COL25A1: variants seen among roughly 807,000 people sequenced by gnomAD.
The protein encoded by COL25A1 is collagen alpha-1(XXV) chain.
Under a neutral mutation model 128.4 loss-of-function variants are expected in COL25A1, and 103 were observed. The observed-to-expected ratio is 0.80, with a 90% CI of 0.68 to 0.94. The LOEUF (loss-of-function observed/expected upper bound fraction) is 0.94, where lower values mean the gene tolerates loss of function less well. COL25A1 is among the 40% of genes least tolerant of loss of function. The pLI, the probability that COL25A1 is intolerant of heterozygous loss-of-function variation, is 0.00. For synonymous variants in COL25A1, 279 were observed against 277.2 expected, an observed-to-expected ratio of 1.01 and a Z score of -0.06; for missense variants, 745 against 840.0, an observed-to-expected ratio of 0.89 and a Z score of 1.40.
chr4:108,938,483 CAGG>C (rs1747694749), intron 10 of COL25A1, among the ~76,000 whole-genome samples: 1 of 152,048 alleles, frequency 6.6e-6, no homozygotes, highest in African/African-American at 2.4e-5. Context: ...GAGGCTGAGG[CAGG>C]AGGACTGTGT....
intron 5 of COL25A1, among the ~76,000 whole-genome samples, chr4:109,021,517 G>A (rs192408848): frequency 2.1e-4 from 32 of 152,212 alleles, no homozygotes; most frequent in African/African-American, 5.1e-4. Context: ...TGCATTAACC[G>A]TACAAATTGA....
chr4:109,239,211 T>C (rs1267285313), intron 3 of COL25A1, among the ~76,000 whole-genome samples: 5 of 151,512 alleles, frequency 3.3e-5, no homozygotes, highest in Non-Finnish European at 7.4e-5. Flanking sequence ...CATCATAGAG[T>C]GTACTTAAAC....
In COL25A1 at chr4:108,901,187, A is replaced by G. The variant is rs1302313197; in HGVS notation, c.781-15T>C. On this transcript the variant is annotated splice_polypyrimidine_tract_variant and intron_variant, in intron 13 of 37. Transcript: ENST00000399132. ...CCGGGCTCACCCTCAAAATAGAAAA[A>G]TAGATACTACTAAGTAAAATAGACA... 5 of 1,594,820 alleles carry G rather than the reference A, an allele frequency of 3.1e-6. No homozygotes were observed. In the East Asian group the frequency reaches 8.9e-5, roughly 29 times the overall value.
intron 3 of COL25A1, among the ~76,000 whole-genome samples, chr4:109,065,123 A>G (rs1349070541): frequency 1.3e-5 from 2 of 152,160 alleles, no homozygotes; most frequent in Non-Finnish European, 2.9e-5. Context: ...ACTGATGGCT[A>G]CAGCTGAGAA....
At chr4:109,038,560 T>C (rs1201135386) in intron 5 of COL25A1, among the ~76,000 whole-genome samples, 1 of 152,210 alleles carries the variant, frequency 6.6e-6, no homozygotes. Context: ...TTTTAGTCTT[T>C]ATCTTATTTG....
intron 3 of COL25A1, among the ~76,000 whole-genome samples, chr4:109,150,822 T>C (rs1448379901): frequency 6.6e-6 from 1 of 152,188 alleles, no homozygotes; most frequent in African/African-American, 2.4e-5. Context: ...TTAAAGAACC[T>C]GTTTACTCTT....
At chr4:109,209,652 A>C (rs1352853683) in intron 3 of COL25A1, among the ~76,000 whole-genome samples, 7 of 152,168 alleles carry the variant, frequency 4.6e-5, no homozygotes, top group Admixed American at 4.6e-4. Context: ...TATCTTTGAA[A>C]TACAGACTAT....
At chr4:108,823,800 T>C in intron 35 of COL25A1, 2 of 627,796 alleles carry the variant, frequency 3.2e-6, no homozygotes, top group South Asian at 5.5e-5. Flanking sequence ...AGTGAGATGC[T>C]GCCTTTGCAG....
At chr4:108,930,521 G>A (rs1381388898) in intron 11 of COL25A1, among the ~76,000 whole-genome samples, 1 of 152,236 alleles carries the variant, frequency 6.6e-6, no homozygotes, top group African/African-American at 2.4e-5. Flanking sequence ...AGAAGGCAAA[G>A]AGGTGGGTAT....
chr4:108,912,197 C>T (rs1744314807), intron 13 of COL25A1, among the ~76,000 whole-genome samples: 1 of 151,896 alleles, frequency 6.6e-6, no homozygotes, highest in Non-Finnish European at 1.5e-5. Flanking sequence ...ATAAATCATT[C>T]CCAGGAATGG....
chr4:108,871,721 G>A (rs1738741383), intron 19 of COL25A1, among the ~76,000 whole-genome samples: 1 of 152,072 alleles, frequency 6.6e-6, no homozygotes. Flanking sequence ...TTCTTATTTC[G>A]ATTTATTCAA....
intron 8 of COL25A1, among the ~76,000 whole-genome samples, chr4:108,950,699 G>A (rs1027769652): frequency 2.6e-5 from 4 of 152,216 alleles, no homozygotes; most frequent in Non-Finnish European, 5.9e-5. Flanking sequence ...AGGGTTATAA[G>A]GATTCCTGTG....
At chr4:108,922,810 C>T (rs562121398) in intron 11 of COL25A1, among the ~76,000 whole-genome samples, 3 of 152,248 alleles carry the variant, frequency 2.0e-5, no homozygotes, top group East Asian at 1.9e-4. Context: ...TAAGATTTAA[C>T]ATTAATTTTG....
At chr4:109,104,168 T>A (rs183638211) in intron 3 of COL25A1, among the ~76,000 whole-genome samples, 1 of 151,720 alleles carries the variant, frequency 6.6e-6, no homozygotes, top group African/African-American at 2.4e-5. Context: ...AGGCCAGGAG[T>A]CTGAAACCAG....
At chr4:108,844,482 A>T (rs758833865) in intron 30 of COL25A1, 37 bp downstream of exon 30, 3 of 1,614,080 alleles carry the variant, frequency 1.9e-6, no homozygotes, top group Non-Finnish European at 2.5e-6. Context: ...CATGCTCATA[A>T]ATAAGCAATT....
Position 108,947,171 on chromosome 4 carries a change from C to T in COL25A1, c.493-5734G>A, listed in dbSNP as rs574166654. On this transcript the variant is annotated intron_variant, in intron 8 of 37. Transcript: ENST00000399132. ...ATAGAAGGTGAGAAATGGCTGGGCG[C>T]GGTGGCTCATGCCTATAATCCCAGC... Among the ~76,000 whole-genome samples, 66 of 152,188 alleles carry T rather than the reference C, an allele frequency of 4.3e-4. 1 individual carries two copies. The highest frequency in any genetic ancestry group is 4.1e-3 in the South Asian group (20 of 4,822).
In COL25A1 at chr4:109,057,360, T is replaced by C. The variant is rs181228716; in HGVS notation, c.368-7181A>G. On this transcript the variant is annotated intron_variant, in intron 3 of 37. Transcript: ENST00000399132. ...TCAGCTCACTGCAACCTTCACCTCC[T>C]GAGTCCAAGCGATTCTCCTACCTTA... Among the ~76,000 whole-genome samples, 326 of 149,768 alleles carry C rather than the reference T, an allele frequency of 2.2e-3. 1 individual carries two copies. The highest frequency in any genetic ancestry group is 7.5e-3 in the African/African-American group (306 of 40,682).
chr4:109,026,183 G>A (rs1018339569), intron 5 of COL25A1, among the ~76,000 whole-genome samples: 1 of 150,722 alleles, frequency 6.6e-6, no homozygotes, highest in African/African-American at 2.5e-5. Context: ...TAATTCACCT[G>A]GGTTAAGAAC....
At chr4:109,097,174 G>A (rs1255168351) in intron 3 of COL25A1, among the ~76,000 whole-genome samples, 2 of 152,154 alleles carry the variant, frequency 1.3e-5, no homozygotes, top group South Asian at 4.1e-4. Flanking sequence ...GTTTCAGTTT[G>A]ATTATGTGGC....
Sources: allele counts gnomAD v4.1 joint callset (sites outside exome capture counted in the v4.1 genomes callset), GRCh38; gene constraint gnomAD v4.1.1; transcripts MANE v1.5; gene names NCBI Gene and HGNC (gene_info 2026-07-23, HGNC 2026-07-21).